SERHL2: variants seen among roughly 807,000 people sequenced by gnomAD.
SERHL2 encodes the protein serine hydrolase-like protein 2.
SERHL2 carries 29 observed loss-of-function variants against 25.5 expected under a neutral mutation model. The ratio of observed to expected loss-of-function variants is 1.14; its 90% CI spans 0.85 to 1.55. The LOEUF (loss-of-function observed/expected upper bound fraction) is 1.55. Ranked by LOEUF, SERHL2 falls within the 40% of genes most tolerant of loss-of-function variation. The pLI, the probability that SERHL2 is intolerant of heterozygous loss-of-function variation, is 0.00. For missense variants in SERHL2, 240 were observed against 252.3 expected (o/e 0.95, Z 0.33); for synonymous variants, 95 against 103.5 (o/e 0.92, Z 0.50).
In SERHL2 at chr22:42,559,229, T is replaced by TAAAAAAAAAAAAAA. The variant is rs1194822216; in HGVS notation, c.533+786_533+799dup. Among the ~76,000 whole-genome samples the TAAAAAAAAAAAAAA allele has an allele frequency of 6.4e-4, 44 of 69,286 alleles. 1 individual carries two copies. The highest frequency in any genetic ancestry group is 3.3e-3 in the African/African-American group (36 of 10,962). 45.5% of individuals were successfully genotyped at this position (69,286 alleles called of 152,430 possible). On this transcript the variant is annotated intron_variant, in intron 7 of 11. Transcript: ENST00000327678. Reference sequence around the variant, plus strand: ...GAGCGAGATAGCGAGACCCTGTATTTAAAAAAAAAAAAAAAAAAAAAAAAA... The same window carrying TAAAAAAAAAAAAAA: ...GAGCGAGATAGCGAGACCCTGTATTTAAAAAAAAAAAAAAAAAAAAAAAAAAAAAAAAAAAAAAA...
chr22:42,559,625 C>A (rs1198337299), intron 7 of SERHL2, among the ~76,000 whole-genome samples: 1 of 151,346 alleles, frequency 6.6e-6, no homozygotes, highest in East Asian at 1.9e-4. Flanking sequence ...CTAGATGTAA[C>A]GAAGAATGGC....
At chr22:42,566,119 T>C (rs113712697) in intron 8 of SERHL2, among the ~76,000 whole-genome samples, 185 bp from the exon 9 acceptor site, 1,623 of 152,152 alleles carry the variant, frequency 0.011, 26 homozygotes, top group African/African-American at 0.038. Flanking sequence ...GCCAGGTGGC[T>C]GTGGTCTAGC....
intron 9 of SERHL2, among the ~76,000 whole-genome samples, chr22:42,568,953 C>T (rs1446809141): frequency 6.6e-6 from 1 of 151,512 alleles, no homozygotes; most frequent in African/African-American, 2.4e-5. Context: ...GGGATCTCAG[C>T]TCACTGCAAC....
chr22:42,566,366 G>A (rs562154700), intron 9 of SERHL2, 28 bp downstream of exon 9: 45 of 1,607,826 alleles, frequency 2.8e-5, no homozygotes, highest in Middle Eastern at 1.8e-4. Flanking sequence ...CGGGTCCCCC[G>A]CCAAGGTTTG....
At chr22:42,560,036 T>G in intron 7 of SERHL2, 150 bp from the exon 8 acceptor site, 2 of 625,350 alleles carry the variant, frequency 3.2e-6, no homozygotes, top group Non-Finnish European at 2.9e-6. Flanking sequence ...GGTCTCAAAC[T>G]CCTGACCTCA....
intron 8 of SERHL2, 151 bp downstream of exon 8, chr22:42,560,416 G>A: frequency 3.1e-6 from 2 of 647,644 alleles, no homozygotes; most frequent in Non-Finnish European, 5.5e-6. Context: ...ATCCCATTTA[G>A]AGCAGGAGAA....
chr22:42,568,057 C>T (rs1214916187), intron 9 of SERHL2, among the ~76,000 whole-genome samples: 1 of 151,876 alleles, frequency 6.6e-6, no homozygotes, highest in African/African-American at 2.4e-5. Flanking sequence ...CAGGGTCTCC[C>T]TCTGTCACCC....
intron 8 of SERHL2, chr22:42,565,224 G>T: frequency 6.5e-6 from 1 of 153,090 alleles, no homozygotes. Context: ...GGACGCACAT[G>T]GAGCGGTAAG....
At chr22:42,563,546 G>A (rs1922966770) in intron 8 of SERHL2, 2 of 287,582 alleles carry the variant, frequency 7.0e-6, no homozygotes, top group South Asian at 5.3e-5. Context: ...GGCCCCTGAA[G>A]CCCCGTGCTG....
At chr22:42,569,682 A>C (rs1467480062) in intron 9 of SERHL2, 1 of 151,954 alleles carries the variant, frequency 6.6e-6, no homozygotes, top group East Asian at 1.9e-4. Context: ...GTGGCAGCTG[A>C]CATATGAGAA....
In SERHL2 at chr22:42,574,310, A is replaced by G. The variant is rs1924696786; in HGVS notation, c.*255A>G. On this transcript the variant is annotated 3_prime_UTR_variant, in exon 12 of 12. Transcript: ENST00000327678. ...AATATCCAGCCAGCTGGAGGAAGGA[A>G]GGGCAGGCTGGGCCCACCTAGCCTT... 5.6e-6 allele frequency: 3 copies of G among 540,472 alleles called. 1 individual carries two copies. Among genetic ancestry groups the G allele is most frequent in the Middle Eastern group, 4.9e-4 (1 of 2,028 alleles). The allele number at this position is 540,472 out of a possible 1,614,324, so 33.5% of individuals were successfully genotyped here. A position where few individuals can be genotyped will look rare whatever the true frequency, so the allele number is the denominator to read the frequency against.
At chr22:42,563,486 G>A (rs1922960657) in intron 8 of SERHL2, 5 of 411,104 alleles carry the variant, frequency 1.2e-5, no homozygotes, top group South Asian at 3.4e-5. Context: ...TTACAGGTGT[G>A]AGTCACCATG....
chr22:42,559,704 G>C (rs1409379554), intron 7 of SERHL2, among the ~76,000 whole-genome samples: 1 of 151,404 alleles, frequency 6.6e-6, no homozygotes, highest in Non-Finnish European at 1.5e-5. Context: ...GGGCAACAGA[G>C]CAAGACTCTG....
chr22:42,559,996 G>C, intron 7 of SERHL2, among the ~76,000 whole-genome samples, 190 bp from the exon 8 acceptor site: 1 of 151,876 alleles, frequency 6.6e-6, no homozygotes, highest in Non-Finnish European at 1.5e-5. Context: ...ATTTTTAGTA[G>C]AGATGAGGTT....
At chr22:42,572,800 G>T (rs1265378039) in intron 11 of SERHL2, 4 of 773,056 alleles carry the variant, frequency 5.2e-6, no homozygotes, top group Non-Finnish European at 4.7e-6. Flanking sequence ...GAGTAGCTGG[G>T]ATTACAGGCA....
At position 42,554,933 on chromosome 22, in the gene SERHL2, TTCAGGTCTGATC is replaced by T; in HGVS notation, c.23_34del (p.Gly8_Ser11del). On this transcript the variant is annotated splice_acceptor_variant and splice_polypyrimidine_tract_variant and coding_sequence_variant and intron_variant, in exon 2 of 12. Coordinates refer to ENST00000327678, the MANE Select transcript of SERHL2 (RefSeq NM_014509.5). LOFTEE classifies it high-confidence loss of function. ...AGGAATGAAAGACCCGGCTGTGTCT[TTCAGGTCTGATC>T]TCAGAGCTGAAGCTGGCTGTGCCCT... 8.5e-7 allele frequency: 1 copy of T among 1,171,200 alleles called. No individual in the cohort carries two copies. Among genetic ancestry groups the T allele is most frequent in the Non-Finnish European group, 1.2e-6 (1 of 814,578 alleles). The allele number at this position is 1,171,200 out of a possible 1,614,324, so 72.6% of individuals were successfully genotyped here.
chr22:42,571,369 G>A (rs1924164283), intron 10 of SERHL2, 166 bp downstream of exon 10: 3 of 1,455,496 alleles, frequency 2.1e-6, no homozygotes, highest in Non-Finnish European at 9.1e-7. Flanking sequence ...GGTCATGGAA[G>A]GAGGAAGGTC....
intron 9 of SERHL2, among the ~76,000 whole-genome samples, chr22:42,568,924 C>G (rs1197522856): frequency 6.6e-6 from 1 of 151,574 alleles, no homozygotes; most frequent in Non-Finnish European, 1.5e-5. Context: ...TGAGATCGCC[C>G]AGGCTGGAGT....
intron 9 of SERHL2, among the ~76,000 whole-genome samples, chr22:42,566,623 G>A (rs1923430753): frequency 6.6e-6 from 1 of 151,870 alleles, no homozygotes; most frequent in Non-Finnish European, 1.5e-5. Flanking sequence ...TTAACCGTTT[G>A]TAAGTATGCA....
Sources: gnomAD v4.1 joint callset for allele counts (sites outside exome capture counted in the v4.1 genomes callset) on GRCh38, gnomAD v4.1.1 for gene constraint, MANE v1.5 for transcripts, NCBI Gene and HGNC (gene_info 2026-07-23, HGNC 2026-07-21) for gene names.